Variants in PTPRS observed in about 807,000 individuals in gnomAD.
PTPRS encodes protein tyrosine phosphatase receptor type S.
In PTPRS, 63 loss-of-function variants were observed where a neutral mutation model predicts 215.3. The observed-to-expected ratio is 0.29, with a 90% CI of 0.24 to 0.36. The LOEUF (loss-of-function observed/expected upper bound fraction) is 0.36, where lower values mean the gene tolerates loss of function less well. PTPRS is among the 10% of genes least tolerant of loss of function. The pLI, the probability that PTPRS is intolerant of heterozygous loss-of-function variation, is 1.00. For synonymous variants in PTPRS, 1,404 were observed against 1,191.4 expected (o/e 1.18, Z -3.68); for missense variants, 2,258 against 2,825.8 (o/e 0.80, Z 4.56).
At chr19:5,266,073 C>T (rs985319538) in intron 4 of PTPRS, among the ~76,000 whole-genome samples, 2 of 152,030 alleles carry the variant, frequency 1.3e-5, no homozygotes, top group Admixed American at 6.5e-5. Flanking sequence ...CCAGCCTGGC[C>T]CACATGGTGA....
At chr19:5,302,589 G>C (rs1255522959) in intron 1 of PTPRS, among the ~76,000 whole-genome samples, 2 of 152,186 alleles carry the variant, frequency 1.3e-5, no homozygotes, top group African/African-American at 4.8e-5. Flanking sequence ...GTTACAAAGA[G>C]ATTGGCAGGT....
rs1442705550 is a variant in PTPRS, at chr19:5,237,333, G to A, written c.1849+1586C>T. Among the ~76,000 whole-genome samples the A allele has an allele frequency of 4.6e-5, 7 of 152,238 alleles. No homozygotes were observed. The highest frequency in any genetic ancestry group is 1.7e-4 in the African/African-American group (7 of 41,476). ...GCCTGGCCCTGAGTCTTTGCTGTCGGTTCTCCTGGGCCCCACCCGTCTCGG... is the reference window on the plus strand; with the variant it reads ...GCCTGGCCCTGAGTCTTTGCTGTCGATTCTCCTGGGCCCCACCCGTCTCGG... On this transcript the variant is annotated intron_variant, in intron 13 of 37. Transcript: ENST00000262963. The surrounding 1 kb of genome is among the most constrained non-coding windows in gnomAD (Gnocchi z 4.2).
intron 4 of PTPRS, among the ~76,000 whole-genome samples, chr19:5,267,768 G>A (rs1056069610): frequency 1.6e-5 from 2 of 125,344 alleles, no homozygotes; most frequent in East Asian, 5.5e-4. Flanking sequence ...GTGACAAATC[G>A]CAGTGCTGTT....
At chr19:5,327,064 C>T (rs777571887) in intron 1 of PTPRS, among the ~76,000 whole-genome samples, 39 of 152,182 alleles carry the variant, frequency 2.6e-4, no homozygotes, top group Non-Finnish European at 5.1e-4. Flanking sequence ...CCAAGGGTAG[C>T]CCCGCTCGCA....
At chr19:5,298,826 T>A (rs4807715) in intron 1 of PTPRS, among the ~76,000 whole-genome samples, 10,211 of 152,182 alleles carry the variant, frequency 0.067, 423 homozygotes, top group African/African-American at 0.11. Context: ...GCAAAGCCAT[T>A]CCTCCCATGT....
rs193032015 is a variant in PTPRS at position 5,322,168 on chromosome 19, G to A, written c.-95+18496C>T. Among the ~76,000 whole-genome samples the A allele has an allele frequency of 1.7e-4, 26 of 152,316 alleles. No homozygotes were observed. The East Asian group carries it at 4.4e-3, about 26-fold the overall frequency. On this transcript the variant is annotated intron_variant, in intron 1 of 37. Transcript: ENST00000262963. ...CCACGGTCCCCGCCTGAGCTGGCGT[G>A]AGCCTTTAGCGGAAGCCCTCCCCAG...
rs1165018252 is a variant in PTPRS, at chr19:5,264,953, C to A, written c.568+55G>T. On this transcript the variant is annotated intron_variant, in intron 5 of 37. Coordinates refer to ENST00000262963, the MANE Select transcript of PTPRS (RefSeq NM_002850.4). Reference sequence around the variant, plus strand: ...CAGAACTTGGGCCCTGGAGATGCTCCCCACCCCCTGCTGCCCTCCAAGGCT... The same window carrying A: ...CAGAACTTGGGCCCTGGAGATGCTCACCACCCCCTGCTGCCCTCCAAGGCT... The A allele has an allele frequency of 1.9e-6, 3 of 1,590,692 alleles. No individual in the cohort carries two copies. The East Asian group carries it at 6.8e-5, about 36-fold the overall frequency.
At chr19:5,260,180 CT>C (rs1169287515) in intron 7 of PTPRS, among the ~76,000 whole-genome samples, 2,983 of 135,818 alleles carry the variant, frequency 0.022, 88 homozygotes, top group African/African-American at 0.072. Context: ...CGTTTTGTTT[CT>C]TTTTTTTTTT....
At chr19:5,298,384 G>A (rs550886845) in intron 1 of PTPRS, among the ~76,000 whole-genome samples, 9 of 152,222 alleles carry the variant, frequency 5.9e-5, no homozygotes, top group South Asian at 2.1e-4. Flanking sequence ...ACCCTTGACC[G>A]GGGCAGGACC....
intron 1 of PTPRS, among the ~76,000 whole-genome samples, chr19:5,311,256 C>T (rs1288280005): frequency 2.0e-5 from 3 of 152,100 alleles, no homozygotes; most frequent in South Asian, 2.1e-4. Flanking sequence ...GCGATCTGCC[C>T]GTCTTGGCCT....
At chr19:5,313,129 C>G (rs1041425105) in intron 1 of PTPRS, among the ~76,000 whole-genome samples, 1 of 152,204 alleles carries the variant, frequency 6.6e-6, no homozygotes, top group African/African-American at 2.4e-5. Flanking sequence ...GTTGGCCAGG[C>G]TGGTCTCAAA....
chr19:5,290,002 T>C (rs2048676989), intron 1 of PTPRS, among the ~76,000 whole-genome samples: 1 of 152,190 alleles, frequency 6.6e-6, no homozygotes, highest in South Asian at 2.1e-4. Flanking sequence ...TTAAGTCAGG[T>C]GCAGTAATCT....
At chr19:5,275,364 C>A (rs2047271538) in intron 2 of PTPRS, among the ~76,000 whole-genome samples, 1 of 150,936 alleles carries the variant, frequency 6.6e-6, no homozygotes, top group Non-Finnish European at 1.5e-5. Context: ...GCCGCTGCAC[C>A]CAGCCTTCTT....
chr19:5,309,369 T>C (rs1051421022), intron 1 of PTPRS, among the ~76,000 whole-genome samples: 2 of 152,204 alleles, frequency 1.3e-5, no homozygotes, highest in African/African-American at 4.8e-5. Context: ...GCCCTGTCTA[T>C]GCAGGCCACT....
rs371034552 is a variant in PTPRS, at chr19:5,208,139, C to CT, written c.5643-83dup. 5.0e-5 allele frequency: 78 copies of CT among 1,573,938 alleles called. No homozygotes were observed. In the African/African-American group the frequency reaches 8.3e-4, roughly 17 times the overall value. On this transcript the variant is annotated intron_variant, in intron 36 of 37. Coordinates refer to ENST00000262963, the MANE Select transcript of PTPRS (RefSeq NM_002850.4). Reference sequence around the variant, plus strand: ...CTGACCACCCGATTCCCCGAGGACTCTAACAGCCCAGATGGGACAGCCTAA... The same window carrying CT: ...CTGACCACCCGATTCCCCGAGGACTCTTAACAGCCCAGATGGGACAGCCTAA...
At chr19:5,211,922 C>T in intron 32 of PTPRS, 43 bp downstream of exon 32, 1 of 1,550,574 alleles carries the variant, frequency 6.4e-7, no homozygotes, top group Non-Finnish European at 8.7e-7. Flanking sequence ...CTCTTTGGGC[C>T]TCCTCCCCAC....
At chr19:5,227,318 TG>T (rs1168957671) in intron 16 of PTPRS, among the ~76,000 whole-genome samples, 1 of 152,228 alleles carries the variant, frequency 6.6e-6, no homozygotes, top group East Asian at 1.9e-4. Context: ...CCCAAAGTGC[TG>T]GGATTACAGG....
intron 11 of PTPRS, among the ~76,000 whole-genome samples, chr19:5,241,518 A>C (rs1299433280): frequency 6.6e-6 from 1 of 151,362 alleles, no homozygotes; most frequent in Non-Finnish European, 1.5e-5. Flanking sequence ...TCCTGGCTTC[A>C]GGCAAACCTC....
chr19:5,248,114 G>A (rs2044669553), intron 9 of PTPRS, among the ~76,000 whole-genome samples: 1 of 151,586 alleles, frequency 6.6e-6, no homozygotes, highest in Admixed American at 6.6e-5. Context: ...GCCAGCCAGC[G>A]GACGCGGTCC....
Sources: allele counts gnomAD v4.1 joint callset (sites outside exome capture counted in the v4.1 genomes callset), GRCh38; gene constraint gnomAD v4.1.1; non-coding constraint Gnocchi (gnomAD v3.1); transcripts MANE v1.5; gene names NCBI Gene and HGNC (gene_info 2026-07-23, HGNC 2026-07-21).